NR2C2: variants seen among roughly 807,000 people sequenced by gnomAD.
NR2C2 encodes the protein nuclear receptor subfamily 2 group C member 2, also known as Nuclear hormone receptor TR4.
Under a neutral mutation model 62.9 loss-of-function variants are expected in NR2C2, and 6 were observed. That is an observed-to-expected ratio of 0.10 (90% confidence interval 0.05 to 0.19). The LOEUF (loss-of-function observed/expected upper bound fraction) is 0.19. Among genes scored for constraint, NR2C2 ranks in the 10% least tolerant of loss-of-function variants. NR2C2 has a pLI of 1.00. For missense variants in NR2C2, 479 were observed against 762.7 expected (o/e 0.63, Z 4.38); for synonymous variants, 272 against 273.8 (o/e 0.99, Z 0.07).
chr3:14,988,015 T>A (rs1423260329), intron 1 of NR2C2, among the ~76,000 whole-genome samples: 1 of 152,250 alleles, frequency 6.6e-6, no homozygotes, highest in Non-Finnish European at 1.5e-5. Context: ...ACATATAAAT[T>A]GCTTTTGATC....
At chr3:14,990,957 T>A (rs1392598474) in intron 1 of NR2C2, among the ~76,000 whole-genome samples, 1 of 152,230 alleles carries the variant, frequency 6.6e-6, no homozygotes, top group Non-Finnish European at 1.5e-5. Flanking sequence ...GCAAAAGTTG[T>A]TTGTTGTTTT....
chr3:15,020,958 A>G (rs559070343), intron 5 of NR2C2, 26 bp downstream of exon 5: 1 of 1,604,314 alleles, frequency 6.2e-7, no homozygotes, highest in Admixed American at 1.7e-5. Context: ...TAAAAACCAC[A>G]TGAGTTAATG....
intron 1 of NR2C2, among the ~76,000 whole-genome samples, chr3:14,999,950 C>T (rs1007671570): frequency 9.2e-5 from 14 of 151,928 alleles, no homozygotes; most frequent in South Asian, 4.1e-4. Context: ...TGTTATGATC[C>T]GTGACTACAA....
intron 11 of NR2C2, among the ~76,000 whole-genome samples, chr3:15,037,475 G>A (rs2042136928): frequency 6.6e-6 from 1 of 152,162 alleles, no homozygotes; most frequent in South Asian, 2.1e-4. Context: ...CAGGCATGGT[G>A]ATGCACACTT....
At chr3:14,952,470 G>A (rs1301573260) in intron 1 of NR2C2, among the ~76,000 whole-genome samples, 1 of 152,116 alleles carries the variant, frequency 6.6e-6, no homozygotes, top group Non-Finnish European at 1.5e-5. Context: ...ATACCACACG[G>A]GGGGAGTCCG....
At chr3:14,979,933 T>C (rs1445912323) in intron 1 of NR2C2, among the ~76,000 whole-genome samples, 2 of 152,120 alleles carry the variant, frequency 1.3e-5, no homozygotes, top group Admixed American at 6.6e-5. Flanking sequence ...CTACCGATAA[T>C]GTAAACTGCC....
At chr3:14,975,317 C>T (rs2040172941) in intron 1 of NR2C2, among the ~76,000 whole-genome samples, 1 of 152,188 alleles carries the variant, frequency 6.6e-6, no homozygotes, top group Non-Finnish European at 1.5e-5. Flanking sequence ...ATTCAGTCTT[C>T]TATCAATGAG....
chr3:15,016,697 T>C (rs1162728210), intron 4 of NR2C2, among the ~76,000 whole-genome samples: 3 of 152,318 alleles, frequency 2.0e-5, no homozygotes, highest in Non-Finnish European at 4.4e-5. Context: ...TTCCAGCTAG[T>C]GTCCCAGGGT....
chr3:14,985,579 T>C (rs1041390739), intron 1 of NR2C2, among the ~76,000 whole-genome samples: 3 of 152,292 alleles, frequency 2.0e-5, no homozygotes, highest in Non-Finnish European at 4.4e-5. Context: ...TATAGAAATA[T>C]ATAGGTTTTT....
At position 15,047,299 on chromosome 3, in the gene NR2C2, CTCCACTCTG is replaced by C. The variant is rs760604157; in HGVS notation, c.*4292_*4300del. On this transcript the variant is annotated 3_prime_UTR_variant, in exon 14 of 14. Transcript: ENST00000425241. ...CTGGGAAGGGCCATGAAGTCAGAAT[CTCCACTCTG>C]CAAAAGGAAGAATTCCAGGCAGAAG... 4 of 152,210 alleles carry C rather than the reference CTCCACTCTG, an allele frequency of 2.6e-5. No individual in the cohort carries two copies. Among genetic ancestry groups the C allele is most frequent in the Admixed American group, 6.5e-5 (1 of 15,288 alleles). The allele number at this position is 152,210 out of a possible 1,614,324, so 9.4% of individuals were successfully genotyped here. A position where few individuals can be genotyped will look rare whatever the true frequency, so the allele number is the denominator to read the frequency against.
chr3:14,970,847 T>C lies in NR2C2; in HGVS notation c.-40+22941T>C, dbSNP rs1016995110. 5.3e-5 allele frequency among the ~76,000 whole-genome samples: 8 copies of C among 152,372 alleles called. 1 individual carries two copies. The highest frequency in any genetic ancestry group is 2.9e-5 in the Non-Finnish European group (2 of 68,032). ...GTTATTTTGGGTATACAGTTGGTAC[T>C]CAACTTATGATGGTTCAACTTACAA... On this transcript the variant is annotated intron_variant, in intron 1 of 13. Transcript: ENST00000425241.
chr3:15,008,179 C>T (rs1036035518), intron 2 of NR2C2, among the ~76,000 whole-genome samples: 4 of 151,486 alleles, frequency 2.6e-5, no homozygotes, highest in African/African-American at 9.7e-5. Flanking sequence ...ATGGGAAATA[C>T]TCAATTTTTA....
chr3:14,959,115 A>G (rs1172232629), intron 1 of NR2C2: 2 of 152,226 alleles, frequency 1.3e-5, no homozygotes, highest in African/African-American at 4.8e-5. Context: ...TACTTTTTCA[A>G]AGATGTATGA....
rs368348071 is a variant in NR2C2 at position 15,014,601 on chromosome 3, TTTCCTC to T, written c.273+818_273+823del. Among the ~76,000 whole-genome samples, 14 of 152,162 alleles carry T rather than the reference TTTCCTC, an allele frequency of 9.2e-5. No individual in the cohort carries two copies. The East Asian group carries it at 1.3e-3, about 15-fold the overall frequency. On this transcript the variant is annotated intron_variant, in intron 3 of 13. Transcript: ENST00000425241. ...CCACTATCTAGCTCTGTGTAACTCT[TTTCCTC>T]TTCCTAAGCTGAAACTCTGTACTCA...
intron 1 of NR2C2, among the ~76,000 whole-genome samples, chr3:14,950,910 C>G (rs992954576): frequency 6.6e-6 from 1 of 152,296 alleles, no homozygotes; most frequent in East Asian, 1.9e-4. Flanking sequence ...AAGCCTGTTA[C>G]GGTATTTGGT....
Position 14,997,842 on chromosome 3 carries a change from GGTTTTA to G in NR2C2, c.-39-6031_-39-6026del, listed in dbSNP as rs1173186844. On this transcript the variant is annotated intron_variant, in intron 1 of 13. Coordinates refer to ENST00000425241, the MANE Select transcript of NR2C2 (RefSeq NM_001291694.2). Reference sequence around the variant, plus strand: ...TTTTTTAAAAATATACAGCTTAGTGGGTTTTAGTACATTCACAAGAGTATGCAACCA... The same window carrying G: ...TTTTTTAAAAATATACAGCTTAGTGGGTACATTCACAAGAGTATGCAACCA... Among the ~76,000 whole-genome samples, 4 of 152,102 alleles carry G rather than the reference GGTTTTA, an allele frequency of 2.6e-5. No individual in the cohort carries two copies. In the East Asian group the frequency reaches 7.7e-4, roughly 29 times the overall value.
At chr3:14,980,968 C>T (rs923430226) in intron 1 of NR2C2, among the ~76,000 whole-genome samples, 2 of 152,194 alleles carry the variant, frequency 1.3e-5, no homozygotes, top group African/African-American at 4.8e-5. Context: ...TGATACAAAG[C>T]ATTAAGGAAT....
At chr3:15,001,007 G>T (rs143316989) in intron 1 of NR2C2, among the ~76,000 whole-genome samples, 1 of 151,638 alleles carries the variant, frequency 6.6e-6, no homozygotes, top group Non-Finnish European at 1.5e-5. Context: ...GTAGAGACAG[G>T]GTTTCACTGT....
At chr3:14,980,009 C>T (rs1487706879) in intron 1 of NR2C2, among the ~76,000 whole-genome samples, 2 of 152,000 alleles carry the variant, frequency 1.3e-5, no homozygotes, top group Admixed American at 1.3e-4. Flanking sequence ...TGGGGTTGCT[C>T]CCTATTTTAA....
Sources: gnomAD v4.1 joint callset for allele counts (sites outside exome capture counted in the v4.1 genomes callset) on GRCh38, gnomAD v4.1.1 for gene constraint, MANE v1.5 for transcripts, NCBI Gene and HGNC (gene_info 2026-07-23, HGNC 2026-07-21) for gene names.